The following OPCML variants were observed in gnomAD, a reference collection of about 807,000 sequenced individuals.
The protein encoded by OPCML is opioid binding protein/cell adhesion molecule like, also known as opioid-binding protein/cell adhesion molecule.
A neutral mutation model predicts 37.8 loss-of-function variants in OPCML; 13 were observed. The ratio of observed to expected loss-of-function variants is 0.34; its 90% confidence interval spans 0.22 to 0.55. OPCML has a LOEUF of 0.55. Among genes scored for constraint, OPCML ranks in the 20% least tolerant of loss-of-function variants. OPCML has a pLI of 0.91. For missense variants in OPCML, 341 were observed against 435.6 expected (o/e 0.78, Z 1.93); for synonymous variants, 176 against 168.8 (o/e 1.04, Z -0.33).
chr11:132,720,535 A>G (rs1944641128), intron 2 of OPCML, among the ~76,000 whole-genome samples: 1 of 152,232 alleles, frequency 6.6e-6, no homozygotes, highest in Non-Finnish European at 1.5e-5. Context: ...GTTCCTGATC[A>G]ATCCAGGCAT....
intron 3 of OPCML, among the ~76,000 whole-genome samples, chr11:132,645,179 G>T (rs1160588126): frequency 6.6e-6 from 1 of 152,164 alleles, no homozygotes; most frequent in Non-Finnish European, 1.5e-5. Context: ...CTAAATTAAG[G>T]AATTCTTTTT....
chr11:133,458,691 GTA>G (rs371779286), intron 1 of OPCML, among the ~76,000 whole-genome samples: 49 of 124,996 alleles, frequency 3.9e-4, no homozygotes, highest in Non-Finnish European at 5.9e-4. Flanking sequence ...ACGTGTGTGT[GTA>G]TATATACACA....
intron 2 of OPCML, among the ~76,000 whole-genome samples, chr11:132,931,924 G>T (rs1945216868): frequency 6.6e-6 from 1 of 152,136 alleles, no homozygotes; most frequent in Admixed American, 6.5e-5. Flanking sequence ...ACATGCAATA[G>T]AACACAGCCT....
At chr11:133,286,953 G>T (rs1412582145) in intron 1 of OPCML, among the ~76,000 whole-genome samples, 1 of 152,166 alleles carries the variant, frequency 6.6e-6, no homozygotes, top group Non-Finnish European at 1.5e-5. Context: ...AAGGGCAAGG[G>T]CAAGATCTTG....
intron 2 of OPCML, among the ~76,000 whole-genome samples, chr11:132,721,950 C>CTTTTTTTT (rs34325848): frequency 5.1e-4 from 42 of 82,788 alleles, no homozygotes; most frequent in East Asian, 8.7e-4. Context: ...CTTTCCTTCC[C>CTTTTTTTT]TTTTTTTTTT....
In OPCML at chr11:133,524,864, G is replaced by C. The variant is rs180709130; in HGVS notation, c.61+7400C>G. ...GACAAGCTGCTGGGCAGGCCAAACT[G>C]GGGGCCTCAATGCCTTTGAGGACTC... On this transcript the variant is annotated intron_variant, in intron 1 of 7. Coordinates refer to ENST00000524381, the MANE Select transcript of OPCML (RefSeq NM_001012393.5). 1.2e-4 allele frequency among the ~76,000 whole-genome samples: 18 copies of C among 152,340 alleles called. No individual in the cohort carries two copies. In the East Asian group the frequency reaches 3.5e-3, roughly 29 times the overall value.
intron 2 of OPCML, among the ~76,000 whole-genome samples, chr11:132,764,319 C>T (rs1002480168): frequency 2.6e-5 from 4 of 152,194 alleles, no homozygotes; most frequent in African/African-American, 9.6e-5. Flanking sequence ...CACCGCCCAA[C>T]CCAACAAGTG....
rs1164652374 is a variant in OPCML at position 132,746,526 on chromosome 11, C to A, written c.147-89207G>T. On this transcript the variant is annotated intron_variant, in intron 2 of 7. Coordinates refer to ENST00000524381, the MANE Select transcript of OPCML (RefSeq NM_001012393.5). ...TCAGCATCTCAGAGCTGGTTTCTGA[C>A]TCAGGTCTGTCTAATCCCACCTATT... Among the ~76,000 whole-genome samples, 4 of 152,162 alleles carry A rather than the reference C, an allele frequency of 2.6e-5. No homozygotes were observed. The East Asian group carries it at 7.8e-4, about 30-fold the overall frequency.
intron 1 of OPCML, among the ~76,000 whole-genome samples, chr11:133,168,505 T>TA (rs1345150812): frequency 6.6e-6 from 1 of 152,092 alleles, no homozygotes; most frequent in Non-Finnish European, 1.5e-5. Flanking sequence ...TGGTGTCATG[T>TA]AAAAAAAGAA....
intron 1 of OPCML, among the ~76,000 whole-genome samples, chr11:133,194,040 G>A (rs965554712): frequency 3.3e-5 from 5 of 152,072 alleles, no homozygotes; most frequent in Non-Finnish European, 7.4e-5. Flanking sequence ...AGATATAAAT[G>A]TCCACATTTT....
intron 1 of OPCML, among the ~76,000 whole-genome samples, chr11:133,497,391 TC>T (rs1947808285): frequency 6.6e-6 from 1 of 152,202 alleles, no homozygotes; most frequent in Non-Finnish European, 1.5e-5. Flanking sequence ...GCTATCTATT[TC>T]CTTGAATATT....
intron 1 of OPCML, among the ~76,000 whole-genome samples, chr11:133,333,689 C>T (rs889313008): frequency 6.6e-6 from 1 of 152,156 alleles, no homozygotes; most frequent in Admixed American, 6.5e-5. Flanking sequence ...AAACTATCAA[C>T]AGAGTAAACA....
intron 1 of OPCML, among the ~76,000 whole-genome samples, chr11:133,511,614 G>A (rs958537545): frequency 2.0e-5 from 3 of 151,832 alleles, no homozygotes; most frequent in African/African-American, 7.3e-5. Context: ...GCCCAAGTGT[G>A]GCCTCCTTCA....
At chr11:132,529,224 A>G in intron 3 of OPCML, 38 bp from the exon 4 acceptor site, 1 of 1,565,118 alleles carries the variant, frequency 6.4e-7, no homozygotes, top group Non-Finnish European at 8.7e-7. Flanking sequence ...CCTGAGAATA[A>G]TTCTTTGCAC....
At chr11:132,479,455 C>T (rs113177167) in intron 4 of OPCML, among the ~76,000 whole-genome samples, 3 of 152,182 alleles carry the variant, frequency 2.0e-5, no homozygotes, top group Admixed American at 1.3e-4. Flanking sequence ...GGAAGGGGCG[C>T]CCACCATTGC....
intron 1 of OPCML, among the ~76,000 whole-genome samples, chr11:133,239,107 A>G (rs568118785): frequency 1.3e-5 from 2 of 152,314 alleles, no homozygotes; most frequent in Non-Finnish European, 2.9e-5. Context: ...ACAGGTGTGC[A>G]GGGGAAGGGT....
chr11:133,517,780 A>C (rs2120672796), intron 1 of OPCML, among the ~76,000 whole-genome samples: 1 of 152,322 alleles, frequency 6.6e-6, no homozygotes, highest in East Asian at 1.9e-4. Context: ...GGGAGGTGAG[A>C]ACTGGAGGAG....
At chr11:132,554,305 T>C (rs2096389352) in intron 3 of OPCML, among the ~76,000 whole-genome samples, 2 of 152,236 alleles carry the variant, frequency 1.3e-5, no homozygotes, top group African/African-American at 4.8e-5. Flanking sequence ...AAATCTTTAG[T>C]TGGCTCCCAC....
chr11:132,669,771 C>T (rs1942381816), intron 2 of OPCML, among the ~76,000 whole-genome samples: 1 of 152,122 alleles, frequency 6.6e-6, no homozygotes, highest in South Asian at 2.1e-4. Context: ...TCTTCTTTCC[C>T]AATATCCAGC....
Sources: gnomAD v4.1 joint callset for allele counts (sites outside exome capture counted in the v4.1 genomes callset) on GRCh38, gnomAD v4.1.1 for gene constraint, MANE v1.5 for transcripts, NCBI Gene and HGNC (gene_info 2026-07-23, HGNC 2026-07-21) for gene names.